The following GLIS1 variants were observed in gnomAD, a reference collection of about 807,000 sequenced individuals.
GLIS1 encodes GLIS family zinc finger 1.
A neutral mutation model predicts 63.8 loss-of-function variants in GLIS1; 24 were observed. That is an observed-to-expected ratio of 0.38 (90% CI 0.27 to 0.53). The LOEUF is 0.53. Among genes scored for constraint, GLIS1 ranks in the 20% least tolerant of loss-of-function variants. GLIS1 has a pLI of 0.85. For missense variants in GLIS1, 1,036 were observed against 1,074.1 expected (o/e 0.96, Z 0.50); for synonymous variants, 450 against 482.5 (o/e 0.93, Z 0.88).
intron 2 of GLIS1, among the ~76,000 whole-genome samples, chr1:53,679,111 G>C (rs554314152): frequency 6.6e-6 from 1 of 152,074 alleles, no homozygotes; most frequent in South Asian, 2.1e-4. Flanking sequence ...CGGGAAACAC[G>C]GGGGAGCAAC....
intron 4 of GLIS1, among the ~76,000 whole-genome samples, chr1:53,579,367 G>A (rs1318542844): frequency 6.6e-6 from 1 of 152,214 alleles, no homozygotes; most frequent in Non-Finnish European, 1.5e-5. Flanking sequence ...ACCGTGCCAG[G>A]GGACATGAGG....
intron 2 of GLIS1, among the ~76,000 whole-genome samples, chr1:53,612,001 T>C (rs1645428985): frequency 6.6e-6 from 1 of 152,006 alleles, no homozygotes; most frequent in Admixed American, 6.6e-5. Context: ...GGCCAGCTAA[T>C]TTTTTAATTT....
In GLIS1 at chr1:53,511,856, C is replaced by A. The variant is rs1644301289; in HGVS notation, c.1884-1829G>T. On this transcript the variant is annotated intron_variant, in intron 8 of 10. Transcript: ENST00000628545. This position sits in a 1 kb window ranked among gnomAD's most constrained non-coding sequence, Gnocchi z 4.2. Reference sequence around the variant, plus strand: ...CTGCCTTATCCCCATCCCATCTGGGCACCCACAACCCAGCCCTCCCCTGGT... The same window carrying A: ...CTGCCTTATCCCCATCCCATCTGGGAACCCACAACCCAGCCCTCCCCTGGT... 6.6e-6 allele frequency among the ~76,000 whole-genome samples: 1 copy of A among 152,166 alleles called. No individual in the cohort carries two copies.
intron 4 of GLIS1, among the ~76,000 whole-genome samples, chr1:53,543,359 G>A (rs1480996644): frequency 2.0e-5 from 3 of 152,132 alleles, no homozygotes; most frequent in Non-Finnish European, 4.4e-5. Flanking sequence ...TTTAACCTCC[G>A]GAGTGCTCTA....
At chr1:53,523,899 GC>G (rs1459955721) in intron 6 of GLIS1, among the ~76,000 whole-genome samples, 1 of 152,110 alleles carries the variant, frequency 6.6e-6, no homozygotes, top group African/African-American at 2.4e-5. Flanking sequence ...TCTCCTCACT[GC>G]GCTGCTTGGC....
intron 4 of GLIS1, among the ~76,000 whole-genome samples, chr1:53,592,241 G>A (rs551446042): frequency 6.6e-6 from 1 of 152,302 alleles, no homozygotes; most frequent in African/African-American, 2.4e-5. Flanking sequence ...AAGTGGGCGG[G>A]GAAGGGCTAG....
intron 4 of GLIS1, among the ~76,000 whole-genome samples, chr1:53,555,861 A>ATGTG (rs1644814966): frequency 1.1e-5 from 1 of 92,244 alleles, no homozygotes; most frequent in African/African-American, 4.3e-5. Context: ...TACTGTAGGT[A>ATGTG]TGTGTGTGCA....
intron 2 of GLIS1, among the ~76,000 whole-genome samples, chr1:53,686,059 A>C (rs1570046525): frequency 3.4e-5 from 5 of 146,922 alleles, no homozygotes; most frequent in Admixed American, 6.8e-5. Flanking sequence ...GCCCCTCTCC[A>C]CTCCCGCAGC....
intron 4 of GLIS1, among the ~76,000 whole-genome samples, chr1:53,536,428 T>C (rs1644582350): frequency 6.6e-6 from 1 of 152,116 alleles, no homozygotes; most frequent in Non-Finnish European, 1.5e-5. Context: ...AGAATGACAG[T>C]AGTGACTGGG....
At position 53,539,303 on chromosome 1, in the gene GLIS1, A is replaced by G; in HGVS notation, c.1321-9351T>C. On this transcript the variant is annotated intron_variant, in intron 4 of 10. Coordinates refer to ENST00000628545, the MANE Select transcript of GLIS1 (RefSeq NM_001367484.1). The surrounding 1 kb of genome is among the most constrained non-coding windows in gnomAD (Gnocchi z 5.0). ...CCTCACACACACACACACACACTAC[A>G]CCTAAACACACACACCCCAATTCAC... is the stretch of plus-strand genomic sequence containing the variant. Among the ~76,000 whole-genome samples the G allele has an allele frequency of 7.0e-6, 1 of 142,618 alleles. No homozygotes were observed. The highest frequency in any genetic ancestry group is 2.2e-4 in the South Asian group (1 of 4,556). The allele number at this position is 142,618 out of a possible 152,430, so 93.6% of individuals were successfully genotyped here.
At chr1:53,506,856 C>A in intron 10 of GLIS1, 80 bp from the exon 11 acceptor site, 1 of 1,384,650 alleles carries the variant, frequency 7.2e-7, no homozygotes, top group Non-Finnish European at 9.8e-7. Flanking sequence ...CAGGCCCCAC[C>A]CCGCCTGCCC....
intron 2 of GLIS1, among the ~76,000 whole-genome samples, chr1:53,712,108 C>T (rs1003808479): frequency 1.3e-5 from 2 of 152,196 alleles, no homozygotes; most frequent in African/African-American, 4.8e-5. Context: ...GTCCAGTTTT[C>T]ATTCTGGCCC....
At position 53,693,146 on chromosome 1, in the gene GLIS1, A is replaced by G. The variant is rs144742534; in HGVS notation, c.259+44660T>C. 9.2e-4 allele frequency among the ~76,000 whole-genome samples: 140 copies of G among 152,314 alleles called. 1 individual carries two copies. Among genetic ancestry groups the G allele is most frequent in the African/African-American group, 3.2e-3 (135 of 41,574 alleles). On this transcript the variant is annotated intron_variant, in intron 2 of 10. Transcript: ENST00000628545. ...CAGACAAGGAAATCATCGTGGCTCC[A>G]TATGTTACACGCACTGTTTCATAAT...
intron 4 of GLIS1, among the ~76,000 whole-genome samples, chr1:53,543,679 T>G (rs1301755062): frequency 1.3e-5 from 2 of 152,056 alleles, no homozygotes; most frequent in Non-Finnish European, 2.9e-5. Flanking sequence ...GTAAGCGCAC[T>G]GGTCTCTCTT....
In GLIS1 at chr1:53,506,695, T is replaced by C. The variant is rs746616352; in HGVS notation, c.2312A>G (p.Glu771Gly). The change falls in exon 11 of 11, where the codon GAG becomes GGG. Residue 771 changes from glutamate (E) to glycine (G), a missense_variant. Physicochemically the swap from Glu to Gly is moderately conservative, Grantham distance 98. Coordinates refer to ENST00000628545, the MANE Select transcript of GLIS1 (RefSeq NM_001367484.1). ...PSEDVVSSGPEDCGFFPNGAF... is the reference protein window; with the variant it reads ...PSEDVVSSGPGDCGFFPNGAF... Reference sequence around the variant, plus strand: ...TCCATTGGGGAAGAAGCCACAGTCCTCGGGGCCGCTGGACACCACATCTTC... The same window carrying C: ...TCCATTGGGGAAGAAGCCACAGTCCCCGGGGCCGCTGGACACCACATCTTC... 1.2e-6 allele frequency: 2 copies of C among 1,613,450 alleles called. No individual in the cohort carries two copies. The highest frequency in any genetic ancestry group is 1.7e-5 in the Admixed American group (1 of 60,018).
At position 53,524,788 on chromosome 1, in the gene GLIS1, C is replaced by G. The variant is rs763462706; in HGVS notation, c.1582G>C (p.Val528Leu). ...GAGGGCTGGCTTACCTTCTTACGCA[C>G]CTGCTGCTCTTTGGCTGAATGGGCC... ...VKAHSAKEQQVRKKLHAGPDT... is the reference protein window; with the variant it reads ...VKAHSAKEQQLRKKLHAGPDT... The change falls in exon 6 of 11, where the codon GTG becomes CTG. Residue 528 changes from valine (V) to leucine (L), a missense_variant. Around this residue, in one of 3 missense-constraint regions of GLIS1, gnomAD observed 400 missense variants for 400.9 expected, o/e 1.00. Coordinates refer to ENST00000628545, the MANE Select transcript of GLIS1 (RefSeq NM_001367484.1). 3.1e-6 allele frequency: 5 copies of G among 1,613,158 alleles called. No individual in the cohort carries two copies. Among genetic ancestry groups the G allele is most frequent in the African/African-American group, 1.3e-5 (1 of 75,048 alleles).
At chr1:53,665,081 T>C (rs1243216714) in intron 2 of GLIS1, among the ~76,000 whole-genome samples, 1 of 152,086 alleles carries the variant, frequency 6.6e-6, no homozygotes, top group East Asian at 1.9e-4. Flanking sequence ...CGAGAGAGCC[T>C]ATATAGCAGG....
chr1:53,589,112 G>C (rs913334304), intron 4 of GLIS1, among the ~76,000 whole-genome samples: 1 of 152,146 alleles, frequency 6.6e-6, no homozygotes, highest in Non-Finnish European at 1.5e-5. Context: ...GGCCTCGGAG[G>C]TTTTTGTTTT....
intron 7 of GLIS1, among the ~76,000 whole-genome samples, chr1:53,519,873 C>T (rs565000788): frequency 1.5e-4 from 23 of 152,340 alleles, no homozygotes; most frequent in Non-Finnish European, 7.3e-5. Flanking sequence ...GCAGAATGGG[C>T]TCTTCTTGAA....
Sources: allele counts gnomAD v4.1 joint callset (sites outside exome capture counted in the v4.1 genomes callset), GRCh38; gene constraint gnomAD v4.1.1; regional missense constraint gnomAD v4.1.1; non-coding constraint Gnocchi (gnomAD v3.1); transcripts MANE v1.5; gene names NCBI Gene and HGNC (gene_info 2026-07-23, HGNC 2026-07-21).